The following C13orf42 variants were observed in gnomAD, a reference collection of about 807,000 sequenced individuals.
The protein encoded by C13orf42 is uncharacterized protein C13orf42.
chr13:51,148,430 G>A (rs187645833), intron 1 of C13orf42, among the ~76,000 whole-genome samples: 3 of 152,348 alleles, frequency 2.0e-5, no homozygotes, highest in East Asian at 3.9e-4. Flanking sequence ...CATGAAGGAC[G>A]CCCACAGGGT....
upstream of C13orf42, among the ~76,000 whole-genome samples, chr13:51,114,652 A>AGG (rs1397411747): frequency 1.0e-4 from 6 of 60,160 alleles, no homozygotes; most frequent in African/African-American, 3.7e-4. Context: ...AGATAGAGAT[A>AGG]GACAGACAGA....
chr13:51,133,703 C>T (rs574589477), intron 1 of C13orf42, among the ~76,000 whole-genome samples: 1 of 152,188 alleles, frequency 6.6e-6, no homozygotes, highest in Non-Finnish European at 1.5e-5. Flanking sequence ...GAGCACTGTT[C>T]TGTGTGCACT....
At chr13:51,099,861 A>G (rs1279817400) in intron 1 of C13orf42, among the ~76,000 whole-genome samples, 1 of 152,234 alleles carries the variant, frequency 6.6e-6, no homozygotes, top group East Asian at 1.9e-4. Flanking sequence ...CTGGCCTTAT[A>G]TGTCATGTAA....
At chr13:51,171,283 C>T (rs1013726689) in intron 1 of C13orf42, among the ~76,000 whole-genome samples, 3 of 152,080 alleles carry the variant, frequency 2.0e-5, no homozygotes, top group Non-Finnish European at 4.4e-5. Flanking sequence ...TCCAAATAGC[C>T]AGAAAATGGC....
chr13:51,117,094 A>G (rs1953498106), intron 1 of C13orf42, among the ~76,000 whole-genome samples: 2 of 152,384 alleles, frequency 1.3e-5, no homozygotes, highest in Middle Eastern at 3.4e-3. Context: ...CCACAGGTAT[A>G]GTAGACTGCC....
At chr13:51,164,077 C>G (rs564435654) in intron 1 of C13orf42, among the ~76,000 whole-genome samples, 1 of 152,302 alleles carries the variant, frequency 6.6e-6, no homozygotes, top group African/African-American at 2.4e-5. Context: ...CTAAACTGCT[C>G]TGTGTAATAT....
intron 1 of C13orf42, among the ~76,000 whole-genome samples, chr13:51,136,520 C>CT (rs1953659153): frequency 2.6e-5 from 4 of 152,326 alleles, no homozygotes; most frequent in Admixed American, 2.6e-4. Flanking sequence ...AAGTTAAGCT[C>CT]TAAAGTGCAG....
intron 1 of C13orf42, among the ~76,000 whole-genome samples, chr13:51,151,729 C>T (rs1398851111): frequency 6.6e-6 from 1 of 152,206 alleles, no homozygotes; most frequent in East Asian, 1.9e-4. Flanking sequence ...CCTGAGGGAG[C>T]ACTGAGCTGA....
intron 3 of C13orf42, among the ~76,000 whole-genome samples, chr13:51,084,815 A>C (rs537331581): frequency 1.3e-5 from 2 of 152,200 alleles, no homozygotes; most frequent in Non-Finnish European, 2.9e-5. Flanking sequence ...AGGAGGATCT[A>C]AAAGGAGACA....
intron 1 of C13orf42, among the ~76,000 whole-genome samples, chr13:51,138,246 GAC>G (rs1953671777): frequency 6.6e-6 from 1 of 152,158 alleles, no homozygotes; most frequent in Non-Finnish European, 1.5e-5. Flanking sequence ...CCACTGCTGT[GAC>G]ATATTATGAC....
intron 1 of C13orf42, among the ~76,000 whole-genome samples, chr13:51,101,412 C>T (rs1953289452): frequency 6.6e-6 from 1 of 152,020 alleles, no homozygotes; most frequent in East Asian, 1.9e-4. Context: ...AAATGTATAG[C>T]GTGTGTTTTT....
At chr13:51,160,369 G>A (rs1333149995) in intron 1 of C13orf42, among the ~76,000 whole-genome samples, 5 of 152,192 alleles carry the variant, frequency 3.3e-5, no homozygotes, top group Admixed American at 2.0e-4. Context: ...AATTAGCTGC[G>A]CATGGTGGCG....
At chr13:51,168,362 C>T (rs1244904636) in intron 1 of C13orf42, among the ~76,000 whole-genome samples, 2 of 152,190 alleles carry the variant, frequency 1.3e-5, no homozygotes, top group Admixed American at 1.3e-4. Flanking sequence ...TGTCCCTTCT[C>T]TCTCAATTTC....
intron 1 of C13orf42, among the ~76,000 whole-genome samples, chr13:51,150,958 C>A (rs1402733820): frequency 6.6e-6 from 1 of 152,164 alleles, no homozygotes; most frequent in Non-Finnish European, 1.5e-5. Context: ...TTGGCCACAG[C>A]AAGTACAGAG....
At chr13:51,103,912 G>T (rs1034438201) in intron 1 of C13orf42, among the ~76,000 whole-genome samples, 3 of 152,174 alleles carry the variant, frequency 2.0e-5, no homozygotes, top group Admixed American at 2.0e-4. Flanking sequence ...TGTTCGATGG[G>T]TGCAGTTTCT....
chr13:51,104,910 G>A (rs1423286301), intron 1 of C13orf42, among the ~76,000 whole-genome samples: 2 of 152,160 alleles, frequency 1.3e-5, no homozygotes, highest in Non-Finnish European at 2.9e-5. Context: ...ACAAGCAAAT[G>A]AGACAGGCAC....
At chr13:51,129,096 GCAAGTGT>G (rs1167089296) in intron 1 of C13orf42, among the ~76,000 whole-genome samples, 4 of 152,096 alleles carry the variant, frequency 2.6e-5, no homozygotes, top group Non-Finnish European at 4.4e-5. Flanking sequence ...TTAATTATCC[GCAAGTGT>G]CTTTACTCAA....
chr13:51,171,311 C>T (rs1201460096), intron 1 of C13orf42, among the ~76,000 whole-genome samples: 1 of 152,126 alleles, frequency 6.6e-6, no homozygotes. Flanking sequence ...ATTTTTCCAT[C>T]CTGCAAAATC....
At chr13:51,100,398 C>T (rs1593532599) in intron 1 of C13orf42, among the ~76,000 whole-genome samples, 1 of 152,114 alleles carries the variant, frequency 6.6e-6, no homozygotes, top group East Asian at 1.9e-4. Flanking sequence ...AGACAATGCG[C>T]TAATATCCTC....
Sources: allele counts gnomAD v4.1 joint callset (sites outside exome capture counted in the v4.1 genomes callset), GRCh38; gene constraint gnomAD v4.1.1; transcripts MANE v1.5; gene names NCBI Gene and HGNC (gene_info 2026-07-23, HGNC 2026-07-21).